Variants in CFAP92 observed in about 807,000 individuals in gnomAD.
CFAP92 encodes the protein cilia and flagella associated protein 92 (putative).
A neutral mutation model predicts 106.3 loss-of-function variants in CFAP92; 86 were observed. The observed-to-expected ratio is 0.81, with a 90% CI of 0.68 to 0.97. The LOEUF is 0.97. Ranked by LOEUF, CFAP92 falls within the 50% of genes least tolerant of loss-of-function variation. The pLI is 0.00. For synonymous variants in CFAP92, 477 were observed against 506.4 expected (o/e 0.94, Z 0.78); for missense variants, 1,204 against 1,283.8 (o/e 0.94, Z 0.95).
At chr3:128,956,840 C>T (rs1233959151) in intron 9 of CFAP92, among the ~76,000 whole-genome samples, 1 of 151,870 alleles carries the variant, frequency 6.6e-6, no homozygotes, top group African/African-American at 2.4e-5. Context: ...ATTAGCCAGG[C>T]ATGGTGGTGC....
intron 1 of CFAP92, 188 bp from the exon 2 acceptor site, chr3:128,993,524 A>T: frequency 1.6e-6 from 1 of 610,992 alleles, no homozygotes; most frequent in Non-Finnish European, 2.9e-6. Flanking sequence ...GAATGAATGG[A>T]TGAAGGAACA....
intron 12 of CFAP92, among the ~76,000 whole-genome samples, chr3:128,925,615 A>G (rs1680784): frequency 0.25 from 38,215 of 152,046 alleles, 5,290 homozygotes; most frequent in East Asian, 0.58. Flanking sequence ...GGAGAGGAAG[A>G]GAAGATGAAT....
chr3:128,923,808 C>T (rs1937500486), intron 12 of CFAP92, among the ~76,000 whole-genome samples: 1 of 152,166 alleles, frequency 6.6e-6, no homozygotes, highest in Non-Finnish European at 1.5e-5. Context: ...ATCTGGAGGG[C>T]AAAGATGAAA....
At chr3:129,026,298 G>A in the CFAP92 span, among the ~76,000 whole-genome samples, 1 of 152,200 alleles carries the variant, frequency 6.6e-6, no homozygotes, top group African/African-American at 2.4e-5. Context: ...ACAGGCCCCT[G>A]GGGGTAAAAG....
intron 12 of CFAP92, among the ~76,000 whole-genome samples, chr3:128,928,679 G>A (rs1937982965): frequency 1.3e-5 from 2 of 152,158 alleles, no homozygotes; most frequent in South Asian, 4.1e-4. Flanking sequence ...AAATGTGAGA[G>A]CTAAGAGTAA....
intron 9 of CFAP92, among the ~76,000 whole-genome samples, chr3:128,960,984 T>G (rs1396394200): frequency 6.6e-6 from 1 of 152,210 alleles, no homozygotes; most frequent in Non-Finnish European, 1.5e-5. Context: ...TCCTTCACTA[T>G]GGGCAACCTT....
the CFAP92 span, among the ~76,000 whole-genome samples, chr3:129,024,540 G>GAA: frequency 7.3e-6 from 1 of 136,376 alleles, no homozygotes; most frequent in Non-Finnish European, 1.6e-5. Flanking sequence ...CAAAAAAAAA[G>GAA]AAAAAAAAAA....
chr3:128,983,688 G>T (rs1204313429), intron 4 of CFAP92, among the ~76,000 whole-genome samples: 1 of 152,266 alleles, frequency 6.6e-6, no homozygotes, highest in Non-Finnish European at 1.5e-5. Flanking sequence ...CATTTTTGGG[G>T]AAAGAGATGA....
At chr3:129,003,105 T>C (rs1944877633), upstream of CFAP92, among the ~76,000 whole-genome samples, 1 of 152,126 alleles carries the variant, frequency 6.6e-6, no homozygotes, top group South Asian at 2.1e-4. Flanking sequence ...ACTGACATTA[T>C]ATGACCCCGC....
In CFAP92 at chr3:128,932,803, T is replaced by G; in HGVS notation, c.2648A>C (p.Asn883Thr). 1 of 1,536,038 alleles carries G rather than the reference T, an allele frequency of 6.5e-7. No homozygotes were observed. Reference sequence around the variant, plus strand: ...GTGGATCTCTAAGGTGAGGGTGGAGTTCCGACTGTGGTAGTCCTCAAGATT... The same window carrying G: ...GTGGATCTCTAAGGTGAGGGTGGAGGTCCGACTGTGGTAGTCCTCAAGATT... ...APNLEDYHSRNSTLTLEIHAH... is the reference protein window; with the variant it reads ...APNLEDYHSRTSTLTLEIHAH... The change falls in exon 12 of 16, where the codon AAC (asparagine) becomes ACC (threonine). Residue 883 changes from asparagine (N) to threonine (T), a missense_variant. Physicochemically the swap from Asn to Thr is moderately conservative, Grantham distance 65 (BLOSUM62 0). Transcript: ENST00000645291.
chr3:128,970,775 A>G (rs1331883704), intron 8 of CFAP92: 1 of 154,542 alleles, frequency 6.5e-6, no homozygotes, highest in Non-Finnish European at 1.4e-5. Context: ...ACTGAAAAAA[A>G]TGGTAACTAT....
intron 1 of CFAP92, chr3:129,002,371 T>C: frequency 6.7e-7 from 1 of 1,485,856 alleles, no homozygotes; most frequent in Non-Finnish European, 8.9e-7. Flanking sequence ...GGGAGAGGGC[T>C]CGAACTAAAA....
chr3:128,996,634 A>G (rs896260538), upstream of CFAP92, among the ~76,000 whole-genome samples: 1 of 152,230 alleles, frequency 6.6e-6, no homozygotes, highest in African/African-American at 2.4e-5. Context: ...TTACTGAGTA[A>G]AAACCATCCC....
In CFAP92 at chr3:128,956,994, A is replaced by AAAAAAAAAAAAAAAG. The variant is rs377096690; in HGVS notation, c.1353+8516_1353+8517insCTTTTTTTTTTTTTT. On this transcript the variant is annotated intron_variant, in intron 9 of 15. Transcript: ENST00000645291. ...GACTCTCTCAAAAAAAAAAAAAAAA[A>AAAAAAAAAAAAAAAG]AAAGAAATCAACCCCATTCTATACC... is the stretch of plus-strand genomic sequence containing the variant. Among the ~76,000 whole-genome samples the AAAAAAAAAAAAAAAG allele has an allele frequency of 3.1e-5, 4 of 129,060 alleles. 2 individuals are homozygous for AAAAAAAAAAAAAAAG. The highest frequency in any genetic ancestry group is 6.5e-5 in the Non-Finnish European group (4 of 61,242). The allele number at this position is 129,060 out of a possible 152,430, so 84.7% of individuals were successfully genotyped here.
chr3:128,956,199 A>AT lies in CFAP92; in HGVS notation c.1353+9311_1353+9312insA, dbSNP rs1559894719. Among the ~76,000 whole-genome samples the AT allele has an allele frequency of 6.0e-3, 614 of 101,940 alleles. 14 individuals are homozygous for AT. Among genetic ancestry groups the AT allele is most frequent in the African/African-American group, 0.043 (560 of 12,992 alleles). The allele number at this position is 101,940 out of a possible 152,430, so 66.9% of individuals were successfully genotyped here. A position where few individuals can be genotyped will look rare whatever the true frequency, so the allele number is the denominator to read the frequency against. On this transcript the variant is annotated intron_variant, in intron 9 of 15. Transcript: ENST00000645291. ...AAAAATAAATTAAAAAAAAAAATAA[A>AT]AAAAAAATAAAAAAATAAAAAAAAA... is the stretch of plus-strand genomic sequence containing the variant.
At chr3:129,022,018 C>T in the CFAP92 span, among the ~76,000 whole-genome samples, 1 of 152,176 alleles carries the variant, frequency 6.6e-6, no homozygotes, top group Non-Finnish European at 1.5e-5. Flanking sequence ...GCAGAGGTGG[C>T]CGGGGCAGGC....
At chr3:128,976,768 G>C (rs573486080) in intron 6 of CFAP92, among the ~76,000 whole-genome samples, 2 of 152,156 alleles carry the variant, frequency 1.3e-5, no homozygotes, top group Non-Finnish European at 2.9e-5. Flanking sequence ...TCATTATGAG[G>C]ATCAAATGAG....
At chr3:129,017,189 A>C in the CFAP92 span, among the ~76,000 whole-genome samples, 1 of 152,214 alleles carries the variant, frequency 6.6e-6, no homozygotes, top group Admixed American at 6.5e-5. Flanking sequence ...AATCTGAAGG[A>C]AGCTTCATGA....
chr3:128,993,912 A>C, intron 1 of CFAP92, 68 bp downstream of exon 1: 1 of 965,946 alleles, frequency 1.0e-6, no homozygotes, highest in Non-Finnish European at 1.2e-6. Flanking sequence ...CGAGGCGGGA[A>C]GAGTCCCGGG....
Sources: gnomAD v4.1 joint callset for allele counts (sites outside exome capture counted in the v4.1 genomes callset) on GRCh38, gnomAD v4.1.1 for gene constraint, MANE v1.5 for transcripts, NCBI Gene and HGNC (gene_info 2026-07-23, HGNC 2026-07-21) for gene names.